FAF1: variants seen among roughly 807,000 people sequenced by gnomAD.
FAF1 encodes Fas associated factor 1.
In FAF1, 25 loss-of-function variants were observed where a neutral mutation model predicts 92.5. That is an observed-to-expected ratio of 0.27 (90% confidence interval 0.20 to 0.38). The LOEUF is 0.38. FAF1 is among the 10% of genes least tolerant of loss of function. The pLI is 1.00. For synonymous variants in FAF1, 234 were observed against 273.2 expected (o/e 0.86, Z 1.42); for missense variants, 636 against 793.3 (o/e 0.80, Z 2.38).
intron 1 of FAF1, among the ~76,000 whole-genome samples, chr1:50,885,312 T>TCTCTCTCTCA (rs906105476): frequency 0.012 from 1,648 of 137,364 alleles, 39 homozygotes; most frequent in African/African-American, 0.043. Context: ...TCTCTCTCTC[T>TCTCTCTCTCA]CACACACACA....
intron 1 of FAF1, among the ~76,000 whole-genome samples, chr1:50,872,909 A>G (rs957768431): frequency 3.3e-5 from 5 of 152,016 alleles, no homozygotes; most frequent in African/African-American, 1.2e-4. Context: ...GGAAAAAAAA[A>G]AAAAATTGCT....
At chr1:50,817,311 AAAGG>A (rs1179212569) in intron 2 of FAF1, among the ~76,000 whole-genome samples, 1 of 152,228 alleles carries the variant, frequency 6.6e-6, no homozygotes, top group African/African-American at 2.4e-5. Flanking sequence ...TCAGCGTTAA[AAAGG>A]AAGGAAATTC....
chr1:50,689,855 A>G (rs575356954), intron 7 of FAF1, among the ~76,000 whole-genome samples: 51 of 152,296 alleles, frequency 3.3e-4, no homozygotes, highest in Admixed American at 7.8e-4. Context: ...AAATTAGCCT[A>G]TGTAGGGAGA....
At chr1:50,951,800 G>A (rs1055636346) in intron 1 of FAF1, among the ~76,000 whole-genome samples, 38 of 152,126 alleles carry the variant, frequency 2.5e-4, no homozygotes, top group Admixed American at 6.5e-5. Context: ...TCCCTAATCC[G>A]CAACATCACA....
chr1:50,914,861 C>A (rs1385297701), intron 1 of FAF1, among the ~76,000 whole-genome samples: 1 of 152,112 alleles, frequency 6.6e-6, no homozygotes, highest in African/African-American at 2.4e-5. Flanking sequence ...TATATGCATC[C>A]ACCTTTTTCA....
intron 2 of FAF1, among the ~76,000 whole-genome samples, chr1:50,830,746 TA>T (rs977440354): frequency 1.3e-5 from 2 of 150,780 alleles, no homozygotes; most frequent in African/African-American, 4.9e-5. Flanking sequence ...CTGAAGAACA[TA>T]AAAAGGAATG....
intron 15 of FAF1, among the ~76,000 whole-genome samples, chr1:50,503,466 A>C (rs1647016506): frequency 6.6e-6 from 1 of 151,988 alleles, no homozygotes; most frequent in Non-Finnish European, 1.5e-5. Flanking sequence ...CAAAAATTTA[A>C]AACAATTAGC....
chr1:50,811,971 C>T (rs551481041), intron 2 of FAF1, among the ~76,000 whole-genome samples: 2 of 152,242 alleles, frequency 1.3e-5, no homozygotes, highest in South Asian at 2.1e-4. Flanking sequence ...GGAAAGGACT[C>T]CCTGTTCAAT....
intron 5 of FAF1, among the ~76,000 whole-genome samples, chr1:50,739,530 C>T (rs929837300): frequency 2.0e-5 from 3 of 152,096 alleles, no homozygotes; most frequent in African/African-American, 7.2e-5. Context: ...GCAACACAAA[C>T]AGATAAGAAC....
At chr1:50,718,901 TAC>T (rs968915665) in intron 6 of FAF1, among the ~76,000 whole-genome samples, 15 of 152,198 alleles carry the variant, frequency 9.9e-5, no homozygotes, top group Non-Finnish European at 1.9e-4. Flanking sequence ...ATTCTAAACT[TAC>T]AGAGTCATAT....
At chr1:50,680,028 C>T (rs1445141860) in intron 7 of FAF1, among the ~76,000 whole-genome samples, 1 of 152,136 alleles carries the variant, frequency 6.6e-6, no homozygotes, top group Non-Finnish European at 1.5e-5. Flanking sequence ...ATCTATAATA[C>T]AGTAAATGCT....
chr1:50,788,812 G>A (rs1003099551), intron 3 of FAF1, among the ~76,000 whole-genome samples: 1 of 151,938 alleles, frequency 6.6e-6, no homozygotes, highest in Non-Finnish European at 1.5e-5. Flanking sequence ...TTTTTAATCT[G>A]TTCAAAATCT....
At chr1:50,833,481 A>G (rs1557549952) in intron 2 of FAF1, among the ~76,000 whole-genome samples, 1 of 152,148 alleles carries the variant, frequency 6.6e-6, no homozygotes, top group African/African-American at 2.4e-5. Context: ...TGCATTCACC[A>G]ATCTGGAAGC....
chr1:50,453,072 C>T (rs1480252939), intron 18 of FAF1, among the ~76,000 whole-genome samples: 1 of 152,208 alleles, frequency 6.6e-6, no homozygotes, highest in Non-Finnish European at 1.5e-5. Flanking sequence ...CCTCACTTTC[C>T]CAGTTTGTAC....
chr1:50,778,694 G>A (rs940271972), intron 4 of FAF1, among the ~76,000 whole-genome samples: 2 of 152,092 alleles, frequency 1.3e-5, no homozygotes, highest in Non-Finnish European at 2.9e-5. Flanking sequence ...GGGAGGGGTT[G>A]GTCTTGCTAT....
At chr1:50,626,638 A>G (rs1257041782) in intron 8 of FAF1, among the ~76,000 whole-genome samples, 4 of 151,710 alleles carry the variant, frequency 2.6e-5, no homozygotes, top group Non-Finnish European at 4.4e-5. Flanking sequence ...GTGCCTGGTT[A>G]GTCATATTAA....
chr1:50,466,459 TGAG>T (rs918208886), intron 18 of FAF1, among the ~76,000 whole-genome samples: 2 of 152,092 alleles, frequency 1.3e-5, no homozygotes, highest in African/African-American at 2.4e-5. Context: ...TGTTTGGAGT[TGAG>T]GAGAGAATTT....
At chr1:50,739,383 T>TGTGTAC (rs1557502899) in intron 5 of FAF1, among the ~76,000 whole-genome samples, 2 of 145,006 alleles carry the variant, frequency 1.4e-5, no homozygotes, top group African/African-American at 2.8e-5. Context: ...TACATATACA[T>TGTGTAC]ATATGTGTGT....
At chr1:50,811,198 G>A (rs1012704408) in intron 2 of FAF1, among the ~76,000 whole-genome samples, 1 of 152,014 alleles carries the variant, frequency 6.6e-6, no homozygotes, top group Admixed American at 6.6e-5. Flanking sequence ...AATTAGCCAG[G>A]CAAGGGAGTG....
Sources: gnomAD v4.1 joint callset for allele counts (sites outside exome capture counted in the v4.1 genomes callset) on GRCh38, gnomAD v4.1.1 for gene constraint, MANE v1.5 for transcripts, NCBI Gene and HGNC (gene_info 2026-07-23, HGNC 2026-07-21) for gene names.